UGP2: variants seen among roughly 807,000 people sequenced by gnomAD.
UGP2 encodes UTP--glucose-1-phosphate uridylyltransferase.
Under a neutral mutation model 49.0 loss-of-function variants are expected in UGP2, and 40 were observed. The observed-to-expected ratio is 0.82, with a 90% CI of 0.63 to 1.06. The LOEUF is 1.06. UGP2 is among the 50% of genes least tolerant of loss of function. The pLI is 0.00. For missense variants in UGP2, 460 were observed against 603.5 expected, an observed-to-expected ratio of 0.76 and a Z score of 2.49; for synonymous variants, 225 against 213.0, an observed-to-expected ratio of 1.06 and a Z score of -0.49.
In UGP2 at chr2:63,891,272, C is replaced by G. The variant is rs545226805; in HGVS notation, c.*45C>G. 4 of 1,499,826 alleles carry G rather than the reference C, an allele frequency of 2.7e-6. No homozygotes were observed. Among genetic ancestry groups the G allele is most frequent in the South Asian group, 2.3e-5 (2 of 87,466 alleles). The allele number at this position is 1,499,826 out of a possible 1,614,324, so 92.9% of individuals were successfully genotyped here. On this transcript the variant is annotated 3_prime_UTR_variant, in exon 10 of 10. Transcript: ENST00000337130. ...ACTTAAATAATGGGCTAGTTTCTTA[C>G]AATGAAATGTTCTCTAGGATTCTAA...
Position 63,841,997 on chromosome 2 carries a change from C to T in UGP2, c.-189C>T, listed in dbSNP as rs1280291584. On this transcript the variant is annotated 5_prime_UTR_variant, in exon 1 of 10. Transcript: ENST00000337130. ...TCTTTTGGAATTGGGGAAGGAGTTTCTTTCTTTCTTTTCTTTTTTCTTGAG... is the reference window on the plus strand; with the variant it reads ...TCTTTTGGAATTGGGGAAGGAGTTTTTTTCTTTCTTTTCTTTTTTCTTGAG... 3.1e-6 allele frequency: 2 copies of T among 652,736 alleles called. No individual in the cohort carries two copies. Among genetic ancestry groups the T allele is most frequent in the Non-Finnish European group, 2.3e-6 (1 of 438,882 alleles). The allele number at this position is 652,736 out of a possible 1,614,324, so 40.4% of individuals were successfully genotyped here.
At chr2:63,887,029 T>C (rs936359612) in intron 7 of UGP2, among the ~76,000 whole-genome samples, 5 of 152,168 alleles carry the variant, frequency 3.3e-5, no homozygotes, top group Non-Finnish European at 7.3e-5. Flanking sequence ...CCCAGCATTT[T>C]GGGAGGCCGA....
chr2:63,849,727 C>T (rs866657934), intron 1 of UGP2, among the ~76,000 whole-genome samples: 7 of 152,172 alleles, frequency 4.6e-5, no homozygotes, highest in South Asian at 2.1e-4. Context: ...AAGGAGAGAC[C>T]TTGCTCCAGA....
At chr2:63,842,269 G>T (rs1671608671) in intron 1 of UGP2, 65 bp downstream of exon 1, 2 of 1,608,416 alleles carry the variant, frequency 1.2e-6, no homozygotes, top group African/African-American at 2.7e-5. Context: ...ACAGTGGAGA[G>T]GTTGGTGGGT....
At chr2:63,870,323 G>A (rs1018195254) in intron 3 of UGP2, among the ~76,000 whole-genome samples, 5 of 152,198 alleles carry the variant, frequency 3.3e-5, no homozygotes, top group African/African-American at 4.8e-5. Context: ...TAATTTATAA[G>A]TGGTAGAAGA....
intron 1 of UGP2, among the ~76,000 whole-genome samples, chr2:63,853,421 G>A (rs1397470860): frequency 1.3e-5 from 2 of 151,882 alleles, no homozygotes; most frequent in African/African-American, 2.4e-5. Flanking sequence ...TTAAATTCTT[G>A]GAGTTCTATG....
intron 3 of UGP2, among the ~76,000 whole-genome samples, chr2:63,879,175 GT>G (rs916333081): frequency 6.6e-6 from 1 of 152,040 alleles, no homozygotes; most frequent in African/African-American, 2.4e-5. Flanking sequence ...GTAATCTAGA[GT>G]TTTCTGCCTC....
intron 3 of UGP2, among the ~76,000 whole-genome samples, chr2:63,878,434 A>T (rs1278565759): frequency 6.6e-6 from 1 of 152,156 alleles, no homozygotes; most frequent in Non-Finnish European, 1.5e-5. Flanking sequence ...TGAATTGATC[A>T]TTGTATTTTG....
chr2:63,878,319 A>G (rs1344628114), intron 3 of UGP2, among the ~76,000 whole-genome samples: 6 of 152,154 alleles, frequency 3.9e-5, no homozygotes, highest in Admixed American at 3.9e-4. Flanking sequence ...TGAAACACTG[A>G]ATGTTGATGA....
Position 63,884,099 on chromosome 2 carries a change from AT to A in UGP2, c.575+7del. The A allele has an allele frequency of 6.2e-7, 1 of 1,611,550 alleles. No individual in the cohort carries two copies. Among genetic ancestry groups the A allele is most frequent in the Non-Finnish European group, 8.5e-7 (1 of 1,179,536 alleles). ...TACACTTTCAATCAAAGCAGGTACA[AT>A]GAGTAAAAAATTAACTCTGGGTATG... is the stretch of plus-strand genomic sequence containing the variant. On this transcript the variant is annotated splice_region_variant and intron_variant, in intron 5 of 9. Transcript: ENST00000337130.
At position 63,885,699 on chromosome 2, in the gene UGP2, G is replaced by A. The variant is rs781128834; in HGVS notation, c.686G>A (p.Ser229Asn). ...YPPGHGDIYA[S>N]FYNSGLLDTF... is the part of the protein sequence containing the mutation. ...CCAGGTCATGGTGATATTTACGCCA[G>A]TTTCTACAACTCTGGATTGCTTGAT... The change falls in exon 6 of 10, where the codon AGT becomes AAT. Residue 229 changes from serine (S) to asparagine (N), a missense_variant. Transcript: ENST00000337130. 1 of 1,613,806 alleles carries A rather than the reference G, an allele frequency of 6.2e-7. No individual in the cohort carries two copies. Among genetic ancestry groups the A allele is most frequent in the African/African-American group, 1.3e-5 (1 of 74,872 alleles).
At chr2:63,888,996 A>G (rs1374897953) in intron 8 of UGP2, 3 of 152,170 alleles carry the variant, frequency 2.0e-5, no homozygotes, top group Admixed American at 6.5e-5. Context: ...GTTTGGTGCC[A>G]CCTGCTGTGG....
At chr2:63,858,158 T>G (rs1669580708) in intron 3 of UGP2, among the ~76,000 whole-genome samples, 2 of 152,114 alleles carry the variant, frequency 1.3e-5, no homozygotes, top group South Asian at 4.1e-4. Context: ...AACAGTCTGA[T>G]CTCCCTGTGG....
At chr2:63,848,896 T>C (rs1291133310) in intron 1 of UGP2, among the ~76,000 whole-genome samples, 1 of 152,238 alleles carries the variant, frequency 6.6e-6, no homozygotes, top group Non-Finnish European at 1.5e-5. Flanking sequence ...TGTCTAAGAC[T>C]CAAATACTGC....
At position 63,842,192 on chromosome 2, in the gene UGP2, A is replaced by G. The variant is rs145708651; in HGVS notation, c.7A>G (p.Arg3Gly). 17 of 1,596,660 alleles carry G rather than the reference A, an allele frequency of 1.1e-5. No individual in the cohort carries two copies. The highest frequency in any genetic ancestry group is 7.3e-5 in the Admixed American group (4 of 54,898). The change falls in exon 1 of 10, where the codon AGA becomes GGA. Residue 3 changes from arginine (R) to glycine (G), a missense_variant. Around this residue, in one of 2 missense-constraint regions of UGP2, gnomAD observed 143 missense variants for 130.4 expected, o/e 1.10. Transcript: ENST00000337130. Reference sequence around the variant, plus strand: ...ATTTTACTAAGCCCCTAAAATGTCGAGATTTGTACAAGGTAAGAAATGCTG... The same window carrying G: ...ATTTTACTAAGCCCCTAAAATGTCGGGATTTGTACAAGGTAAGAAATGCTG... The part of the protein sequence containing the change: MS[R>G]FVQDLSKAMS...
At position 63,857,507 on chromosome 2, in the gene UGP2, C is replaced by T. The variant is rs1302528319; in HGVS notation, c.148-322C>T. The T allele has an allele frequency of 7.0e-6, 3 of 428,914 alleles. No individual in the cohort carries two copies. In the Admixed American group the frequency reaches 7.4e-5, roughly 11 times the overall value. The allele number at this position is 428,914 out of a possible 1,614,324, so 26.6% of individuals were successfully genotyped here. On this transcript the variant is annotated intron_variant, in intron 2 of 9. Transcript: ENST00000337130. ...GCCCCCGAGTAGGTGAGACTACAGGCACACACCACCACATCTGGCTAATTT... is the reference window on the plus strand; with the variant it reads ...GCCCCCGAGTAGGTGAGACTACAGGTACACACCACCACATCTGGCTAATTT...
intron 9 of UGP2, among the ~76,000 whole-genome samples, 182 bp downstream of exon 9, chr2:63,890,367 C>T (rs2287360): frequency 6.6e-6 from 1 of 151,950 alleles, no homozygotes; most frequent in East Asian, 1.9e-4. Flanking sequence ...CATTAGCTTA[C>T]TAAAGATGAT....
chr2:63,857,492 A>G (rs1669523811), intron 2 of UGP2: 2 of 403,180 alleles, frequency 5.0e-6, no homozygotes, highest in Non-Finnish European at 9.9e-6. Flanking sequence ...GCCCCCGAGT[A>G]GGTGAGACTA....
chr2:63,889,054 CTCAGAG>C (rs1439162925), intron 8 of UGP2: 1 of 152,100 alleles, frequency 6.6e-6, no homozygotes, highest in Non-Finnish European at 1.5e-5. Context: ...TGCATGTGTC[CTCAGAG>C]TCAAATGAAG....
Sources: allele counts gnomAD v4.1 joint callset (sites outside exome capture counted in the v4.1 genomes callset), GRCh38; gene constraint gnomAD v4.1.1; regional missense constraint gnomAD v4.1.1; transcripts MANE v1.5; gene names NCBI Gene and HGNC (gene_info 2026-07-23, HGNC 2026-07-21).